RFXAP: variants seen among roughly 807,000 people sequenced by gnomAD.
RFXAP encodes regulatory factor X-associated protein.
RFXAP carries 21 observed loss-of-function variants against 25.7 expected under a neutral mutation model. That is an observed-to-expected ratio of 0.82 (90% CI 0.58 to 1.18). RFXAP has a LOEUF of 1.18. Ranked by LOEUF, RFXAP falls within the 50% of genes most tolerant of loss-of-function variation. RFXAP has a pLI of 0.00. For synonymous variants in RFXAP, 161 were observed against 152.2 expected (o/e 1.06, Z -0.43); for missense variants, 333 against 363.0 (o/e 0.92, Z 0.67).
Position 36,821,906 on chromosome 13 carries a change from A to C in RFXAP, c.600+1949A>C, listed in dbSNP as rs533697712. On this transcript the variant is annotated intron_variant, in intron 1 of 2. Transcript: ENST00000255476. The stretch of plus-strand genomic sequence containing the variant: ...GGACTTCTGTAATCTTAGTTTAAAA[A>C]CCCCCTCAATCCATATTCTTATAGT... 1.3e-4 allele frequency among the ~76,000 whole-genome samples: 20 copies of C among 151,492 alleles called. No individual in the cohort carries two copies. The East Asian group carries it at 3.7e-3, about 28-fold the overall frequency.
chr13:36,827,200 A>C (rs912010451), intron 2 of RFXAP, among the ~76,000 whole-genome samples: 1 of 152,136 alleles, frequency 6.6e-6, no homozygotes, highest in Non-Finnish European at 1.5e-5. Context: ...TTAGTTGCCT[A>C]ATGAGAAACT....
Position 36,828,895 on chromosome 13 carries a change from A to G in RFXAP, c.*1142A>G, listed in dbSNP as rs1241473487. 6.6e-6 allele frequency: 1 copy of G among 152,234 alleles called. No homozygotes were observed. The highest frequency in any genetic ancestry group is 1.5e-5 in the Non-Finnish European group (1 of 68,032). The allele number at this position is 152,234 out of a possible 1,614,324, so 9.4% of individuals were successfully genotyped here. A position where few individuals can be genotyped will look rare whatever the true frequency, so the allele number is the denominator to read the frequency against. Reference sequence around the variant, plus strand: ...ATATCCAATATTAGGATATAAATGTATGTGTCTCAAGTTTAACTCTACAAA... The same window carrying G: ...ATATCCAATATTAGGATATAAATGTGTGTGTCTCAAGTTTAACTCTACAAA... On this transcript the variant is annotated 3_prime_UTR_variant, in exon 3 of 3. Transcript: ENST00000255476.
chr13:36,822,983 T>C (rs1235399333), intron 1 of RFXAP, among the ~76,000 whole-genome samples: 1 of 152,184 alleles, frequency 6.6e-6, no homozygotes, highest in East Asian at 1.9e-4. Context: ...AGAGGAAACG[T>C]GACTCAGTAT....
At chr13:36,826,219 CT>C (rs1456147978) in intron 2 of RFXAP, among the ~76,000 whole-genome samples, 1 of 152,094 alleles carries the variant, frequency 6.6e-6, no homozygotes, top group Non-Finnish European at 1.5e-5. Context: ...ATGTTTGCCT[CT>C]TTGACAGCTT....
chr13:36,826,682 G>A (rs1593532606), intron 2 of RFXAP, among the ~76,000 whole-genome samples: 1 of 152,186 alleles, frequency 6.6e-6, no homozygotes, highest in East Asian at 1.9e-4. Flanking sequence ...ATGTCCAACA[G>A]TGTCATAACA....
At chr13:36,821,534 A>G (rs1194588523) in intron 1 of RFXAP, among the ~76,000 whole-genome samples, 2 of 152,078 alleles carry the variant, frequency 1.3e-5, no homozygotes, top group Non-Finnish European at 2.9e-5. Flanking sequence ...ATGTTGGCAC[A>G]TGCCTGTGGT....
Position 36,825,460 on chromosome 13 carries a change from A to C in RFXAP, c.633A>C (p.Lys211Asn), listed in dbSNP as rs1228245953. 1 of 1,613,096 alleles carries C rather than the reference A, an allele frequency of 6.2e-7. No individual in the cohort carries two copies. The highest frequency in any genetic ancestry group is 1.7e-5 in the Admixed American group (1 of 60,026). ...ESADNILSIVKQRTGSFGDRP... is the reference protein window; with the variant it reads ...ESADNILSIVNQRTGSFGDRP... ...CAGATAACATACTCTCCATTGTTAA[A>C]CAAAGAACAGGATCTTTTGGGGATC... is the stretch of plus-strand genomic sequence containing the variant. Residue 211 changes from lysine to asparagine, a missense_variant, in exon 2 of 3, where the codon AAA becomes AAC. Coordinates refer to ENST00000255476, the MANE Select transcript of RFXAP (RefSeq NM_000538.4).
chr13:36,819,262 C>T lies in RFXAP; in HGVS notation c.-96C>T, dbSNP rs1199442227. ...GCCTTCCCGGTATAGGCGCCTTTTA[C>T]CCCAGCGTGTCCTGAGTCTTTGGTT... On this transcript the variant is annotated 5_prime_UTR_variant, in exon 1 of 3. Transcript: ENST00000255476. 1.7e-6 allele frequency: 2 copies of T among 1,158,736 alleles called. No homozygotes were observed. The highest frequency in any genetic ancestry group is 3.5e-5 in the East Asian group (1 of 28,676). 71.8% of individuals were successfully genotyped at this position (1,158,736 alleles called of 1,614,324 possible).
Position 36,819,577 on chromosome 13 carries a change from C to G in RFXAP, c.220C>G (p.Leu74Val). The change falls in exon 1 of 3, where the codon CTG becomes GTG. Residue 74 changes from leucine (L) to valine (V), a missense_variant. By Grantham distance (32) the Leu-to-Val change is conservative. Coordinates refer to ENST00000255476, the MANE Select transcript of RFXAP (RefSeq NM_000538.4). The part of the protein sequence containing the change: ...SVGAGKPVRY[L>V]CEGAGDGEEE... Reference sequence around the variant, plus strand: ...TGGGGCGGGCAAGCCCGTTAGGTACCTGTGCGAAGGGGCCGGGGATGGCGA... The same window carrying G: ...TGGGGCGGGCAAGCCCGTTAGGTACGTGTGCGAAGGGGCCGGGGATGGCGA... The G allele has an allele frequency of 6.5e-7, 1 of 1,531,408 alleles. No individual in the cohort carries two copies. The highest frequency in any genetic ancestry group is 1.4e-5 in the African/African-American group (1 of 72,902). The allele number at this position is 1,531,408 out of a possible 1,614,324, so 94.9% of individuals were successfully genotyped here.
rs537036389 is a variant in RFXAP, at chr13:36,819,427, C to G, written c.70C>G (p.Leu24Val). The G allele has an allele frequency of 6.3e-6, 9 of 1,435,294 alleles. No homozygotes were observed. The East Asian group carries it at 2.3e-4, about 36-fold the overall frequency. 88.9% of individuals were successfully genotyped at this position (1,435,294 alleles called of 1,614,324 possible). A position where few individuals can be genotyped will look rare whatever the true frequency, so the allele number is the denominator to read the frequency against. The change falls in exon 1 of 3, where the codon CTA becomes GTA. Residue 24 changes from leucine (L) to valine (V), a missense_variant. Coordinates refer to ENST00000255476, the MANE Select transcript of RFXAP (RefSeq NM_000538.4). ...AASGVPHPAA[L>V]APAAAPTLAP... Reference sequence around the variant, plus strand: ...CAGCGGCGTGCCCCACCCCGCGGCCCTAGCCCCGGCTGCGGCTCCCACCTT... The same window carrying G: ...CAGCGGCGTGCCCCACCCCGCGGCCGTAGCCCCGGCTGCGGCTCCCACCTT...
intron 1 of RFXAP, among the ~76,000 whole-genome samples, chr13:36,824,878 A>G (rs17054508): frequency 0.031 from 4,720 of 152,234 alleles, 229 homozygotes; most frequent in African/African-American, 0.1. Context: ...AGCTTTGGTT[A>G]TCAGTTGCTT....
In RFXAP at chr13:36,819,256, CTTT is replaced by C; in HGVS notation, c.-100_-98del. The C allele has an allele frequency of 1.7e-6, 2 of 1,170,666 alleles. No homozygotes were observed. Among genetic ancestry groups the C allele is most frequent in the Non-Finnish European group, 2.1e-6 (2 of 937,520 alleles). The allele number at this position is 1,170,666 out of a possible 1,614,324, so 72.5% of individuals were successfully genotyped here. On this transcript the variant is annotated 5_prime_UTR_variant, in exon 1 of 3. Transcript: ENST00000255476. ...CGGGGCGCCTTCCCGGTATAGGCGC[CTTT>C]TACCCCAGCGTGTCCTGAGTCTTTG...
chr13:36,825,662 G>A lies in RFXAP; in HGVS notation c.708+127G>A, dbSNP rs992251620. On this transcript the variant is annotated intron_variant, in intron 2 of 2. Transcript: ENST00000255476. ...ATACATCAAAATAAATTCCTAATAA[G>A]TCAAAATTTTAAAAAAAGAATCGGA... The A allele has an allele frequency of 5.3e-6, 3 of 561,816 alleles. No individual in the cohort carries two copies. The African/African-American group carries it at 5.8e-5, about 11-fold the overall frequency. The allele number at this position is 561,816 out of a possible 1,614,324, so 34.8% of individuals were successfully genotyped here. A position where few individuals can be genotyped will look rare whatever the true frequency, so the allele number is the denominator to read the frequency against.
Position 36,825,519 on chromosome 13 carries a change from TAAATC to T in RFXAP, c.696_700del (p.Asn232LysfsTer76). On this transcript the variant is annotated frameshift_variant, in exon 2 of 3. Transcript: ENST00000255476. LOFTEE classifies it high-confidence loss of function. The stretch of plus-strand genomic sequence containing the variant: ...AGACCTACTCTTTTAGAACAAGTGT[TAAATC>T]AAAAAAGACTGGTAAATATCTGTTT... 1 of 1,609,452 alleles carries T rather than the reference TAAATC, an allele frequency of 6.2e-7. No homozygotes were observed. Among genetic ancestry groups the T allele is most frequent in the Non-Finnish European group, 8.5e-7 (1 of 1,177,200 alleles).
In RFXAP at chr13:36,819,958, G is replaced by A. The variant is rs2057956744; in HGVS notation, c.600+1G>A. On this transcript the variant is annotated splice_donor_variant, in intron 1 of 2. Transcript: ENST00000255476. LOFTEE classifies it high-confidence loss of function. ...CAGCGCGGGAAACGTCAAACTCGAG[G>A]TATCAGACTTAGCTGAGGCCTGGGG... 1 of 1,613,674 alleles carries A rather than the reference G, an allele frequency of 6.2e-7. No homozygotes were observed.
At chr13:36,821,737 T>C (rs2057963660) in intron 1 of RFXAP, among the ~76,000 whole-genome samples, 1 of 152,142 alleles carries the variant, frequency 6.6e-6, no homozygotes, top group Admixed American at 6.5e-5. Context: ...TTCACACTGG[T>C]TAGGACTGAG....
At position 36,819,717 on chromosome 13, in the gene RFXAP, C is replaced by T. The variant is rs1230450781; in HGVS notation, c.360C>T (p.Gly120=). ...DLEDEETHSG[G]EGSSGGARRR... Reference sequence around the variant, plus strand: ...AGGACGAGGAGACTCACTCGGGGGGCGAGGGCAGCAGCGGGGGCGCCCGGA... The same window carrying T: ...AGGACGAGGAGACTCACTCGGGGGGTGAGGGCAGCAGCGGGGGCGCCCGGA... Residue 120 remains glycine, a synonymous_variant, in exon 1 of 3, where the codon GGC becomes GGT. Transcript: ENST00000255476. 3 of 1,549,084 alleles carry T rather than the reference C, an allele frequency of 1.9e-6. No homozygotes were observed. The highest frequency in any genetic ancestry group is 2.4e-5 in the East Asian group (1 of 40,880).
rs1167998797 is a variant in RFXAP at position 36,819,230 on chromosome 13, T to C, written c.-128T>C. The C allele has an allele frequency of 2.0e-6, 2 of 983,606 alleles. No individual in the cohort carries two copies. Among genetic ancestry groups the C allele is most frequent in the South Asian group, 5.3e-5 (1 of 18,974 alleles). 60.9% of individuals were successfully genotyped at this position (983,606 alleles called of 1,614,324 possible). On this transcript the variant is annotated 5_prime_UTR_variant, in exon 1 of 3. Transcript: ENST00000255476. ...GCAGGCTGCGGTCGCGCAGGCGCAG[T>C]CGGGGCGCCTTCCCGGTATAGGCGC...
Position 36,827,716 on chromosome 13 carries a change from A to G in RFXAP, c.782A>G (p.Glu261Gly). 1 of 1,613,828 alleles carries G rather than the reference A, an allele frequency of 6.2e-7. No homozygotes were observed. Among genetic ancestry groups the G allele is most frequent in the Non-Finnish European group, 8.5e-7 (1 of 1,179,830 alleles). Residue 261 changes from glutamate to glycine, a missense_variant, in exon 3 of 3, where the codon GAG (glutamate) becomes GGG (glycine). Coordinates refer to ENST00000255476, the MANE Select transcript of RFXAP (RefSeq NM_000538.4). Reference protein sequence around the residue: ...QQQLLNQQVLEQRQQQFPGTS... With the variant: ...QQQLLNQQVLGQRQQQFPGTS... ...CAGCTATTAAATCAGCAAGTTTTGGAGCAAAGACAACAGCAGTTTCCAGGA... is the reference window on the plus strand; with the variant it reads ...CAGCTATTAAATCAGCAAGTTTTGGGGCAAAGACAACAGCAGTTTCCAGGA...
Sources: allele counts gnomAD v4.1 joint callset (sites outside exome capture counted in the v4.1 genomes callset), GRCh38; gene constraint gnomAD v4.1.1; transcripts MANE v1.5; gene names NCBI Gene and HGNC (gene_info 2026-07-23, HGNC 2026-07-21).